Variants in FAT2 observed in about 807,000 individuals in gnomAD.
FAT2 encodes protocadherin Fat 2.
In FAT2, 150 loss-of-function variants were observed where a neutral mutation model predicts 295.3. The ratio of observed to expected loss-of-function variants is 0.51; its 90% CI spans 0.44 to 0.58. The LOEUF is 0.58. Ranked by LOEUF, FAT2 falls within the 20% of genes least tolerant of loss-of-function variation. FAT2 has a pLI of 0.00. For synonymous variants in FAT2, 2,026 were observed against 2,150.3 expected (o/e 0.94, Z 1.60); for missense variants, 4,868 against 5,442.7 (o/e 0.89, Z 3.32).
chr5:151,553,743 T>C (rs202024265), intron 5 of FAT2, among the ~76,000 whole-genome samples: 1 of 152,364 alleles, frequency 6.6e-6, no homozygotes, highest in East Asian at 1.9e-4. Flanking sequence ...CTAGAATTTA[T>C]TGAGCACTCA....
chr5:151,543,276 G>A lies in FAT2; in HGVS notation c.7851C>T (p.Asn2617=), dbSNP rs146401309. Residue 2617 remains asparagine (N), a synonymous_variant, in exon 10 of 24, where the codon AAC becomes AAT. Transcript: ENST00000261800. ...GGTTCACTGAGTAGGTGACATCTGCGTTCTGACCTTCATCTGCATCATAGG... is the reference window on the plus strand; with the variant it reads ...GGTTCACTGAGTAGGTGACATCTGCATTCTGACCTTCATCTGCATCATAGG... ...VLAYDADEGQ[N]ADVTYSVNPE... 1.0e-4 allele frequency: 164 copies of A among 1,614,162 alleles called. No individual in the cohort carries two copies. The highest frequency in any genetic ancestry group is 1.2e-4 in the Non-Finnish European group (146 of 1,180,030).
intron 11 of FAT2, among the ~76,000 whole-genome samples, chr5:151,540,226 G>T (rs1199230336): frequency 2.6e-5 from 4 of 152,198 alleles, no homozygotes; most frequent in African/African-American, 9.7e-5. Context: ...CCCTATGGGG[G>T]CCAAGGAATT....
rs1199962794 is a variant in FAT2 at position 151,543,996 on chromosome 5, TG to T, written c.7130del (p.Pro2377GlnfsTer41). The T allele has an allele frequency of 6.2e-7, 1 of 1,614,080 alleles. No individual in the cohort carries two copies. The highest frequency in any genetic ancestry group is 8.5e-7 in the Non-Finnish European group (1 of 1,180,042). On this transcript the variant is annotated frameshift_variant, in exon 10 of 24. Transcript: ENST00000261800. LOFTEE classifies it high-confidence loss of function. ...CTTCATATTGAGGTTGTCTGAACTC[TG>T]GGGGGTTGTCATTGATATCAGACAC... ...VNVSDINDNP[P>X]EFRQPQYEAN...
Position 151,543,897 on chromosome 5 carries a change from GTC to G in FAT2, c.7228_7229del (p.Asp2410HisfsTer20). 6.2e-7 allele frequency: 1 copy of G among 1,614,208 alleles called. No homozygotes were observed. The highest frequency in any genetic ancestry group is 8.5e-7 in the Non-Finnish European group (1 of 1,180,040). Reference protein sequence around the residue: ...KVQAIDPDSRDTSRLEYLILS... With the variant: ...KVQAIDPDSRXTSRLEYLILS... Reference sequence around the variant, plus strand: ...GAATCAGGTACTCCAGGCGGGAGGTGTCTCTGCTGTCAGGGTCAATAGCCTGG... The same window carrying G: ...GAATCAGGTACTCCAGGCGGGAGGTGTCTGCTGTCAGGGTCAATAGCCTGG... On this transcript the variant is annotated frameshift_variant, in exon 10 of 24. Coordinates refer to ENST00000261800, the MANE Select transcript of FAT2 (RefSeq NM_001447.3). LOFTEE classifies it high-confidence loss of function.
At chr5:151,526,394 A>T (rs145734048) in intron 17 of FAT2, among the ~76,000 whole-genome samples, 194 of 152,356 alleles carry the variant, frequency 1.3e-3, no homozygotes, top group Non-Finnish European at 2.1e-3. Flanking sequence ...CCTGCATGCA[A>T]TATGTATCTG....
intron 1 of FAT2, among the ~76,000 whole-genome samples, chr5:151,570,286 A>G (rs1238128822): frequency 9.2e-5 from 14 of 152,204 alleles, no homozygotes; most frequent in Admixed American, 9.2e-4. Context: ...AACCTGGAAC[A>G]TGAAAACTCC....
At chr5:151,594,811 C>G (rs912684845), upstream of FAT2, among the ~76,000 whole-genome samples, 5 of 152,052 alleles carry the variant, frequency 3.3e-5, no homozygotes, top group South Asian at 1.0e-3. Flanking sequence ...TTCAGGGTGC[C>G]CATAAAGTCT....
rs962069748 is a variant in FAT2 at position 151,591,214 on chromosome 5, G to C, written c.-70C>G. On this transcript the variant is annotated 5_prime_UTR_variant, in exon 1 of 24. Coordinates refer to ENST00000261800, the MANE Select transcript of FAT2 (RefSeq NM_001447.3). ...TGCCCCAGAGCAGGCTGCTGGGCTG[G>C]CGCCCCTCTCACGAGGGCCAGGCTG... Among the ~76,000 whole-genome samples the C allele has an allele frequency of 6.6e-6, 1 of 152,240 alleles. No homozygotes were observed. The highest frequency in any genetic ancestry group is 1.9e-4 in the East Asian group (1 of 5,200).
chr5:151,594,336 A>G (rs1400097063), upstream of FAT2, among the ~76,000 whole-genome samples: 1 of 152,184 alleles, frequency 6.6e-6, no homozygotes, highest in Non-Finnish European at 1.5e-5. Flanking sequence ...GAAGTTCCTC[A>G]GGGATGGGTC....
Position 151,531,707 on chromosome 5 carries a change from C to A in FAT2, c.9691G>T (p.Ala3231Ser), listed in dbSNP as rs1367931827. 6.2e-7 allele frequency: 1 copy of A among 1,613,840 alleles called. No individual in the cohort carries two copies. The highest frequency in any genetic ancestry group is 8.5e-7 in the Non-Finnish European group (1 of 1,179,922). Residue 3231 changes from alanine to serine, a missense_variant, in exon 14 of 24, where the codon GCC becomes TCC. Around this residue, in one of 5 missense-constraint regions of FAT2, gnomAD observed 1,046 missense variants for 1,210.1 expected, o/e 0.86. Coordinates refer to ENST00000261800, the MANE Select transcript of FAT2 (RefSeq NM_001447.3). The surrounding 1 kb of genome is among the most constrained non-coding windows in gnomAD (Gnocchi z 5.7). ...TGCAGCACCTCCGTGCCAGGTGGGG[C>A]GTCCTCGGGCACCTGCACGCTGTGC... ...TEHSVQVPED[A>S]PPGTEVLQLA...
rs186569670 is a variant in FAT2, at chr5:151,526,011, G to A, written c.10309-46C>T. On this transcript the variant is annotated intron_variant, in intron 17 of 23. Coordinates refer to ENST00000261800, the MANE Select transcript of FAT2 (RefSeq NM_001447.3). ...GAAGGCAAAGAGCAGAATGAGTCCC[G>A]GTCCTTCCTTTCGCACGTGTCTGGG... 5.4e-5 allele frequency: 86 copies of A among 1,582,976 alleles called. 2 individuals carry two copies. The highest frequency in any genetic ancestry group is 5.0e-4 in the Admixed American group (29 of 57,502).
At chr5:151,541,073 T>G (rs1756084392) in intron 10 of FAT2, among the ~76,000 whole-genome samples, 1 of 152,216 alleles carries the variant, frequency 6.6e-6, no homozygotes, top group Non-Finnish European at 1.5e-5. Context: ...GGAAACAAAT[T>G]TCAATTCTAT....
intron 6 of FAT2, among the ~76,000 whole-genome samples, chr5:151,552,889 C>T (rs1448855263): frequency 1.3e-5 from 2 of 152,228 alleles, no homozygotes; most frequent in African/African-American, 4.8e-5. Context: ...CTGGGTCTTC[C>T]TGAACCATTT....
chr5:151,584,519 A>G (rs1026923558), intron 1 of FAT2, among the ~76,000 whole-genome samples: 1 of 152,220 alleles, frequency 6.6e-6, no homozygotes, highest in Non-Finnish European at 1.5e-5. Flanking sequence ...TGGCCCGGTC[A>G]AGACTCAAAC....
At chr5:151,532,170 CT>C (rs1326918098) in intron 13 of FAT2, among the ~76,000 whole-genome samples, 200 bp from the exon 14 acceptor site, 1 of 152,162 alleles carries the variant, frequency 6.6e-6, no homozygotes, top group Non-Finnish European at 1.5e-5. Flanking sequence ...CACTAAAATG[CT>C]TTTGGGGGAA....
chr5:151,581,526 G>A (rs1253013680), intron 1 of FAT2, among the ~76,000 whole-genome samples: 1 of 152,236 alleles, frequency 6.6e-6, no homozygotes, highest in African/African-American at 2.4e-5. Context: ...AGTGCTTGCA[G>A]AGGCGCATGC....
chr5:151,522,785 C>T (rs1181426983), intron 18 of FAT2, among the ~76,000 whole-genome samples: 7 of 152,000 alleles, frequency 4.6e-5, no homozygotes, highest in Admixed American at 3.3e-4. Context: ...GGAATGAAGG[C>T]GGTGTGTTCA....
At position 151,555,068 on chromosome 5, in the gene FAT2, G is replaced by C. The variant is rs138476021; in HGVS notation, c.3634-395C>G. 2.1e-3 allele frequency among the ~76,000 whole-genome samples: 325 copies of C among 152,284 alleles called. 2 individuals carry two copies. The highest frequency in any genetic ancestry group is 3.9e-3 in the Non-Finnish European group (263 of 68,018). On this transcript the variant is annotated intron_variant, in intron 4 of 23. Coordinates refer to ENST00000261800, the MANE Select transcript of FAT2 (RefSeq NM_001447.3). ...GAAAATGTTGATGAGGGAATGAGTG[G>C]TACTTTTTGAGTCAGACATGTGCAC... is the stretch of plus-strand genomic sequence containing the variant.
At position 151,521,408 on chromosome 5, in the gene FAT2, C is replaced by T. The variant is rs757018773; in HGVS notation, c.11185G>A (p.Gly3729Arg). 6.2e-7 allele frequency: 1 copy of T among 1,614,184 alleles called. No homozygotes were observed. The highest frequency in any genetic ancestry group is 8.5e-7 in the Non-Finnish European group (1 of 1,180,024). Reference sequence around the variant, plus strand: ...CAGATTTGACCCTGGCAGGTTGGCCCCTGGCAGGGCACCATGGGCATAGCT... The same window carrying T: ...CAGATTTGACCCTGGCAGGTTGGCCTCTGGCAGGGCACCATGGGCATAGCT... ...RSAMPMVPCQ[G>R]PTCQGQICHN... The change falls in exon 19 of 24, where the codon GGG becomes AGG. Residue 3729 changes from glycine to arginine, a missense_variant. Physicochemically the swap from Gly to Arg is moderately radical, Grantham distance 125. Around this residue, in one of 5 missense-constraint regions of FAT2, gnomAD observed 1,046 missense variants for 1,210.1 expected, o/e 0.86. Coordinates refer to ENST00000261800, the MANE Select transcript of FAT2 (RefSeq NM_001447.3).
Sources: allele counts gnomAD v4.1 joint callset (sites outside exome capture counted in the v4.1 genomes callset), GRCh38; gene constraint gnomAD v4.1.1; regional missense constraint gnomAD v4.1.1; non-coding constraint Gnocchi (gnomAD v3.1); transcripts MANE v1.5; gene names NCBI Gene and HGNC (gene_info 2026-07-23, HGNC 2026-07-21).